The following SAMD5 variants were observed in gnomAD, a reference collection of about 807,000 sequenced individuals.
SAMD5 encodes the protein sterile alpha motif domain containing 5, also known as sterile alpha motif domain-containing protein 5.
SAMD5 carries 13 observed loss-of-function variants against 11.3 expected under a neutral mutation model. The ratio of observed to expected loss-of-function variants is 1.15; its 90% CI spans 0.75 to 1.83. The LOEUF is 1.83. Ranked by LOEUF, SAMD5 falls within the 40% of genes most tolerant of loss-of-function variation. The probability of loss-of-function intolerance (pLI) is 0.00; values close to 1 mark genes in which losing one functional copy is unlikely to be tolerated. For missense variants in SAMD5, 255 were observed against 239.1 expected (o/e 1.07, Z -0.44); for synonymous variants, 129 against 111.3 (o/e 1.16, Z -1.00).
chr6:147,610,798 G>T (rs983521664), intron 1 of SAMD5, among the ~76,000 whole-genome samples: 4 of 151,970 alleles, frequency 2.6e-5, no homozygotes, highest in African/African-American at 9.7e-5. Context: ...AGCCCAGGAG[G>T]ATGTCCTGGG....
At chr6:147,571,165 TC>T (rs1298948568), downstream of SAMD5, among the ~76,000 whole-genome samples, 1 of 152,206 alleles carries the variant, frequency 6.6e-6, no homozygotes, top group African/African-American at 2.4e-5. Flanking sequence ...ATGCTTCAGG[TC>T]CTCCTTGATC....
chr6:147,808,378 A>AT, the SAMD5 span, among the ~76,000 whole-genome samples: 1 of 152,018 alleles, frequency 6.6e-6, no homozygotes, highest in Non-Finnish European at 1.5e-5. Flanking sequence ...TTTTAAAGTT[A>AT]TTTTTTGTAG....
At chr6:147,757,952 C>T in the SAMD5 span, among the ~76,000 whole-genome samples, 1 of 152,050 alleles carries the variant, frequency 6.6e-6, no homozygotes, top group Non-Finnish European at 1.5e-5. Flanking sequence ...TTTCATTCAA[C>T]TGAATGAAAT....
At chr6:147,513,510 G>A (rs376952263) in intron 1 of SAMD5, among the ~76,000 whole-genome samples, 1 of 152,144 alleles carries the variant, frequency 6.6e-6, no homozygotes, top group Non-Finnish European at 1.5e-5. Flanking sequence ...TGAAACATAC[G>A]GAGTGTGAGA....
chr6:147,738,583 C>G (rs902950239), downstream of SAMD5, among the ~76,000 whole-genome samples: 1 of 152,144 alleles, frequency 6.6e-6, no homozygotes, highest in Admixed American at 6.5e-5. Context: ...TTTATATAAA[C>G]TAGTGATTGT....
chr6:147,741,795 G>A (rs982685537), downstream of SAMD5: 6 of 152,214 alleles, frequency 3.9e-5, no homozygotes, highest in East Asian at 1.9e-4. Flanking sequence ...CTTCGGGTGT[G>A]TGTGCATGGG....
At chr6:147,953,530 A>C in the SAMD5 span, 1 of 152,206 alleles carries the variant, frequency 6.6e-6, no homozygotes, top group Non-Finnish European at 1.5e-5. Flanking sequence ...CTGAGTTTTA[A>C]AGAAATTTGA....
At chr6:147,929,150 A>G in the SAMD5 span, among the ~76,000 whole-genome samples, 4 of 152,200 alleles carry the variant, frequency 2.6e-5, no homozygotes, top group African/African-American at 9.6e-5. Flanking sequence ...CCTGGTTCCA[A>G]AATACTTACT....
the SAMD5 span, among the ~76,000 whole-genome samples, chr6:147,920,002 T>C: frequency 1.3e-5 from 2 of 152,228 alleles, no homozygotes; most frequent in Admixed American, 6.5e-5. Context: ...TTTGATTTAA[T>C]GTTCAACATC....
chr6:147,866,486 A>T, the SAMD5 span, among the ~76,000 whole-genome samples: 7 of 152,220 alleles, frequency 4.6e-5, no homozygotes, highest in African/African-American at 1.7e-4. Context: ...AGATCCTATT[A>T]TATAATGGTG....
chr6:147,652,728 C>T (rs1425626588), intron 1 of SAMD5, among the ~76,000 whole-genome samples: 1 of 152,212 alleles, frequency 6.6e-6, no homozygotes, highest in Non-Finnish European at 1.5e-5. Context: ...ACAGTCAAGA[C>T]ACACATTTTC....
the SAMD5 span, among the ~76,000 whole-genome samples, chr6:147,806,226 C>T: frequency 0.1 from 15,361 of 152,238 alleles, 1,370 homozygotes; most frequent in African/African-American, 0.24. Context: ...GAGACATCCT[C>T]TGACAAGATT....
the SAMD5 span, among the ~76,000 whole-genome samples, chr6:147,816,318 A>ATATG: frequency 7.4e-6 from 1 of 135,740 alleles, no homozygotes; most frequent in African/African-American, 2.8e-5. Flanking sequence ...ATATATATAT[A>ATATG]TATATATATA....
chr6:147,582,926 C>T (rs945635984), intron 1 of SAMD5, among the ~76,000 whole-genome samples: 23 of 152,152 alleles, frequency 1.5e-4, no homozygotes, highest in African/African-American at 4.8e-4. Flanking sequence ...ACAGCTCAGA[C>T]GTGACCTTTG....
At chr6:147,733,685 C>G (rs1474475880) in intron 1 of SAMD5, 3 of 337,740 alleles carry the variant, frequency 8.9e-6, no homozygotes, top group Non-Finnish European at 8.4e-6. Context: ...AATTGCTATA[C>G]TAAATGTTAT....
intron 1 of SAMD5, chr6:147,730,138 A>G (rs1296895819): frequency 2.3e-6 from 1 of 425,904 alleles, no homozygotes; most frequent in Non-Finnish European, 4.6e-6. Flanking sequence ...CAGCAGAGTG[A>G]AAGAGAGGGA....
intron 1 of SAMD5, among the ~76,000 whole-genome samples, chr6:147,526,946 A>G (rs1788352174): frequency 6.6e-6 from 1 of 152,200 alleles, no homozygotes; most frequent in African/African-American, 2.4e-5. Flanking sequence ...AACCCTGTTT[A>G]TTTAATGAAG....
At chr6:147,611,863 T>C (rs753721398) in intron 1 of SAMD5, among the ~76,000 whole-genome samples, 68 of 152,208 alleles carry the variant, frequency 4.5e-4, no homozygotes, top group Middle Eastern at 3.4e-3. Context: ...TTCATGGAGA[T>C]GAAAGTGTAA....
the SAMD5 span, among the ~76,000 whole-genome samples, chr6:147,830,958 T>TGTACCAAG: frequency 6.6e-6 from 1 of 152,220 alleles, no homozygotes; most frequent in South Asian, 2.1e-4. Context: ...ATACAGTCTG[T>TGTACCAAG]GTACCAAGGA....
Sources: allele counts gnomAD v4.1 joint callset (sites outside exome capture counted in the v4.1 genomes callset), GRCh38; gene constraint gnomAD v4.1.1; transcripts MANE v1.5; gene names NCBI Gene and HGNC (gene_info 2026-07-23, HGNC 2026-07-21).